Variants in OPRPN observed in about 807,000 individuals in gnomAD.
The protein encoded by OPRPN is opiorphin prepropeptide.
A neutral mutation model predicts 2.2 loss-of-function variants in OPRPN; 1 was observed. The observed-to-expected ratio is 0.45, with a 90% CI of 0.16 to 2.15. The LOEUF (loss-of-function observed/expected upper bound fraction) is 2.15, where lower values mean the gene tolerates loss of function less well. OPRPN is among the 30% of genes most tolerant of loss of function. The pLI is 0.28. For missense variants in OPRPN, 306 were observed against 297.3 expected, an observed-to-expected ratio of 1.03 and a Z score of -0.21; for synonymous variants, 126 against 111.5, an observed-to-expected ratio of 1.13 and a Z score of -0.82.
chr4:70,409,898 C>A lies in OPRPN; in HGVS notation c.570C>A (p.Thr190=). The A allele has an allele frequency of 3.7e-6, 6 of 1,614,006 alleles. No homozygotes were observed. The highest frequency in any genetic ancestry group is 5.1e-6 in the Non-Finnish European group (6 of 1,179,984). The change falls in exon 3 of 3, where the codon ACC becomes ACA. Residue 190 remains threonine (T), a synonymous_variant. Transcript: ENST00000399575. ...TCTCTTCAACACCAGAGCCTGCCAC[C>A]TCCATATCAGCAGCAACCCCCGCAG... ...VPISSTPEPA[T]SISAATPAAS...
intron 2 of OPRPN, among the ~76,000 whole-genome samples, chr4:70,405,898 C>G (rs1238775824): frequency 2.8e-4 from 41 of 145,860 alleles, no homozygotes. Context: ...ACCCCATATC[C>G]ACAAAAAATA....
chr4:70,406,017 G>A (rs1039392427), intron 2 of OPRPN, among the ~76,000 whole-genome samples: 3 of 152,056 alleles, frequency 2.0e-5, no homozygotes, highest in Non-Finnish European at 4.4e-5. Context: ...GAAGTGAGCT[G>A]AGGTCACACC....
rs1449481301 is a variant in OPRPN, at chr4:70,409,609, G to A, written c.281G>A (p.Arg94Lys). 1.2e-6 allele frequency: 2 copies of A among 1,613,572 alleles called. No homozygotes were observed. The highest frequency in any genetic ancestry group is 1.7e-6 in the Non-Finnish European group (2 of 1,179,760). ...LSQLFPLESI[R>K]QPRLFPGYPN... ...CAACTCTTTCCATTGGAATCTATTA[G>A]ACAACCTCGACTCTTTCCGGGTTAT... The change falls in exon 3 of 3, where the codon AGA (arginine) becomes AAA (lysine). Residue 94 changes from arginine (R) to lysine (K), a missense_variant. Transcript: ENST00000399575.
At chr4:70,398,346 G>T (rs1188261229) in intron 1 of OPRPN, among the ~76,000 whole-genome samples, 1 of 151,776 alleles carries the variant, frequency 6.6e-6, no homozygotes, top group African/African-American at 2.4e-5. Context: ...GTCTTAAAAA[G>T]GTATATTAAG....
intron 2 of OPRPN, among the ~76,000 whole-genome samples, chr4:70,399,872 T>C (rs780095058): frequency 6.6e-6 from 1 of 151,898 alleles, no homozygotes; most frequent in Non-Finnish European, 1.5e-5. Context: ...AAATATTCCT[T>C]TAACTGACTG....
rs779350814 is a variant in OPRPN, at chr4:70,410,023, G to A, written c.695G>A (p.Ser232Asn). The A allele has an allele frequency of 4.0e-5, 64 of 1,599,560 alleles. No homozygotes were observed. Among genetic ancestry groups the A allele is most frequent in the Non-Finnish European group, 5.4e-5 (63 of 1,174,212 alleles). ...ACGACTTCCAACCAAACTATATTAA[G>A]CAGCCCAGCCTTTAAAAGTTTTTGG... is the stretch of plus-strand genomic sequence containing the variant. ...QVTTSNQTIL[S>N]SPAFKSFWQK... Residue 232 changes from serine (S) to asparagine (N), a missense_variant, in exon 3 of 3, where the codon AGC (serine) becomes AAC (asparagine). Physicochemically the swap from Ser to Asn is conservative, Grantham distance 46. Transcript: ENST00000399575.
intron 2 of OPRPN, among the ~76,000 whole-genome samples, chr4:70,408,020 T>A (rs1733130123): frequency 6.6e-6 from 1 of 151,846 alleles, no homozygotes; most frequent in Admixed American, 6.6e-5. Context: ...TTGGGGAAAA[T>A]GGGAGGAAAT....
chr4:70,404,805 T>G (rs1733052314), intron 2 of OPRPN, among the ~76,000 whole-genome samples: 1 of 152,162 alleles, frequency 6.6e-6, no homozygotes, highest in South Asian at 2.1e-4. Flanking sequence ...AATATATCTA[T>G]GTAACAAAAT....
rs1413257377 is a variant in OPRPN at position 70,408,690 on chromosome 4, G to A, written c.52-690G>A. 3.9e-5 allele frequency among the ~76,000 whole-genome samples: 6 copies of A among 152,226 alleles called. No homozygotes were observed. The South Asian group carries it at 1.0e-3, about 26-fold the overall frequency. ...AACCAGTTGAGGAGTGAGCAAACAG[G>A]CAGAGATAACCATAAGCAAGTCACC... On this transcript the variant is annotated intron_variant, in intron 2 of 2. Coordinates refer to ENST00000399575, the MANE Select transcript of OPRPN (RefSeq NM_021225.5).
At chr4:70,401,549 C>T (rs1560532442) in intron 2 of OPRPN, among the ~76,000 whole-genome samples, 1 of 151,906 alleles carries the variant, frequency 6.6e-6, no homozygotes, top group Non-Finnish European at 1.5e-5. Flanking sequence ...TCACAAAAAC[C>T]CAGGAACTAT....
In OPRPN at chr4:70,409,617, C is replaced by T. The variant is rs748180740; in HGVS notation, c.289C>T (p.Arg97Ter). 6.2e-6 allele frequency: 10 copies of T among 1,613,898 alleles called. No homozygotes were observed. The highest frequency in any genetic ancestry group is 2.2e-5 in the East Asian group (1 of 44,882). ...TCCATTGGAATCTATTAGACAACCT[C>T]GACTCTTTCCGGGTTATCCAAACCT... ...LFPLESIRQP[R>*]LFPGYPNLHF... Residue 97 changes from arginine to a stop codon, truncating the protein, a stop_gained, in exon 3 of 3, where the codon CGA becomes TGA. Transcript: ENST00000399575. LOFTEE classifies it low-confidence loss of function (END_TRUNC).
intron 2 of OPRPN, among the ~76,000 whole-genome samples, chr4:70,399,995 T>C (rs1224376069): frequency 6.6e-6 from 1 of 151,940 alleles, no homozygotes; most frequent in African/African-American, 2.4e-5. Flanking sequence ...TAAAGCTCTA[T>C]AGGAGATCCA....
rs761205501 is a variant in OPRPN, at chr4:70,409,484, C to T, written c.156C>T (p.Pro52=). Residue 52 remains proline (P), a synonymous_variant, in exon 3 of 3, where the codon CCC becomes CCT. Coordinates refer to ENST00000399575, the MANE Select transcript of OPRPN (RefSeq NM_021225.5). ...PRWVPPSPPP[P]YDSRLNSPLS... ...GGGTTCCACCAAGTCCCCCACCTCCCTATGACTCAAGACTTAATTCACCAC... is the reference window on the plus strand; with the variant it reads ...GGGTTCCACCAAGTCCCCCACCTCCTTATGACTCAAGACTTAATTCACCAC... 1.9e-6 allele frequency: 3 copies of T among 1,613,920 alleles called. No homozygotes were observed. The African/African-American group carries it at 4.0e-5, about 22-fold the overall frequency.
chr4:70,400,522 C>T (rs1233027932), intron 2 of OPRPN, among the ~76,000 whole-genome samples: 2 of 151,782 alleles, frequency 1.3e-5, no homozygotes, highest in Admixed American at 1.3e-4. Context: ...TAAGAATGAA[C>T]ATTTCCAGAC....
intron 2 of OPRPN, among the ~76,000 whole-genome samples, chr4:70,408,762 A>C (rs1401660299): frequency 6.6e-6 from 1 of 152,224 alleles, no homozygotes; most frequent in African/African-American, 2.4e-5. Context: ...AGGCTCTAGC[A>C]ATCAGACTCC....
At chr4:70,403,732 G>A (rs748356361) in intron 2 of OPRPN, among the ~76,000 whole-genome samples, 25 of 151,964 alleles carry the variant, frequency 1.6e-4, no homozygotes, top group Non-Finnish European at 2.9e-4. Flanking sequence ...CTTGTGAATG[G>A]AGAAACAAAA....
At chr4:70,398,945 T>C (rs554983566) in intron 1 of OPRPN, among the ~76,000 whole-genome samples, 3 of 152,052 alleles carry the variant, frequency 2.0e-5, no homozygotes, top group African/African-American at 7.2e-5. Context: ...ATACCCTAAG[T>C]AGTTATGTTC....
chr4:70,407,241 C>T (rs537904006), intron 2 of OPRPN, among the ~76,000 whole-genome samples: 10 of 152,314 alleles, frequency 6.6e-5, no homozygotes, highest in South Asian at 2.1e-4. Flanking sequence ...ATTTTATTAA[C>T]GTGGCTTATT....
rs755187453 is a variant in OPRPN at position 70,409,484 on chromosome 4, C to CT, written c.157dup (p.Tyr53LeufsTer2). The CT allele has an allele frequency of 6.2e-7, 1 of 1,614,038 alleles. No homozygotes were observed. Among genetic ancestry groups the CT allele is most frequent in the East Asian group, 2.2e-5 (1 of 44,870 alleles). ...GGGTTCCACCAAGTCCCCCACCTCC[C>CT]TATGACTCAAGACTTAATTCACCAC... On this transcript the variant is annotated frameshift_variant, in exon 3 of 3. Coordinates refer to ENST00000399575, the MANE Select transcript of OPRPN (RefSeq NM_021225.5). LOFTEE classifies it low-confidence loss of function (END_TRUNC).
Sources: allele counts gnomAD v4.1 joint callset (sites outside exome capture counted in the v4.1 genomes callset), GRCh38; gene constraint gnomAD v4.1.1; transcripts MANE v1.5; gene names NCBI Gene and HGNC (gene_info 2026-07-23, HGNC 2026-07-21).